The following ADGRB3 variants were observed in gnomAD, a reference collection of about 807,000 sequenced individuals.
The protein encoded by ADGRB3 is adhesion G protein-coupled receptor B3, also known as brain-specific angiogenesis inhibitor 3.
ADGRB3 carries 37 observed loss-of-function variants against 193.4 expected under a neutral mutation model. The ratio of observed to expected loss-of-function variants is 0.19; its 90% CI spans 0.15 to 0.25. The LOEUF (loss-of-function observed/expected upper bound fraction) is 0.25. Among genes scored for constraint, ADGRB3 ranks in the 10% least tolerant of loss-of-function variants. ADGRB3 has a pLI of 1.00. For synonymous variants in ADGRB3, 690 were observed against 644.2 expected (o/e 1.07, Z -1.08); for missense variants, 1,637 against 1,852.9 (o/e 0.88, Z 2.14).
chr6:69,221,259 C>T (rs971750467), intron 17 of ADGRB3, among the ~76,000 whole-genome samples: 1 of 152,040 alleles, frequency 6.6e-6, no homozygotes, highest in African/African-American at 2.4e-5. Flanking sequence ...CCTTTCAGAT[C>T]TTTTATTGGA....
At chr6:68,966,757 TCTTA>T (rs1416086408) in intron 8 of ADGRB3, among the ~76,000 whole-genome samples, 3 of 152,164 alleles carry the variant, frequency 2.0e-5, no homozygotes, top group African/African-American at 7.2e-5. Flanking sequence ...CATCGACTAT[TCTTA>T]CTTAGCCTTT....
At chr6:68,968,923 C>T (rs189871613) in intron 8 of ADGRB3, among the ~76,000 whole-genome samples, 1 of 152,250 alleles carries the variant, frequency 6.6e-6, no homozygotes, top group East Asian at 1.9e-4. Flanking sequence ...ATTCACTTCT[C>T]AATTGCACTA....
intron 20 of ADGRB3, among the ~76,000 whole-genome samples, chr6:69,259,628 A>G (rs948230639): frequency 1.3e-5 from 2 of 148,952 alleles, no homozygotes; most frequent in Admixed American, 1.4e-4. Flanking sequence ...CTCGGGAGGC[A>G]GAGCTTGCAG....
At chr6:69,062,020 C>T (rs930170080) in intron 15 of ADGRB3, among the ~76,000 whole-genome samples, 2 of 151,778 alleles carry the variant, frequency 1.3e-5, no homozygotes, top group Non-Finnish European at 2.9e-5. Flanking sequence ...TCATTGATAC[C>T]TAATGTGAAT....
intron 3 of ADGRB3, among the ~76,000 whole-genome samples, chr6:68,885,049 A>T (rs546237361): frequency 1.3e-5 from 2 of 152,166 alleles, no homozygotes; most frequent in South Asian, 2.1e-4. Flanking sequence ...ACAATAATAA[A>T]CTATAATAAG....
At chr6:68,983,383 C>CT (rs1768982198) in intron 10 of ADGRB3, among the ~76,000 whole-genome samples, 1 of 150,978 alleles carries the variant, frequency 6.6e-6, no homozygotes, top group African/African-American at 2.4e-5. Flanking sequence ...CCATACCACT[C>CT]TGAATGGGCC....
chr6:69,036,446 A>T (rs887853548), intron 13 of ADGRB3, among the ~76,000 whole-genome samples: 14 of 151,874 alleles, frequency 9.2e-5, no homozygotes, highest in African/African-American at 3.1e-4. Flanking sequence ...CTCATCTATT[A>T]AAAAAAATGT....
At chr6:69,185,195 T>C (rs1053710549) in intron 17 of ADGRB3, among the ~76,000 whole-genome samples, 1 of 152,150 alleles carries the variant, frequency 6.6e-6, no homozygotes, top group Non-Finnish European at 1.5e-5. Context: ...TTCAAAAACC[T>C]ATACTAGTAC....
chr6:68,738,011 G>A (rs547352886), intron 3 of ADGRB3, among the ~76,000 whole-genome samples: 11 of 152,134 alleles, frequency 7.2e-5, no homozygotes, highest in Non-Finnish European at 1.6e-4. Context: ...TGTTGCTAGG[G>A]AGAATGGACA....
At chr6:69,282,726 G>T (rs1767463133) in intron 20 of ADGRB3, among the ~76,000 whole-genome samples, 1 of 152,070 alleles carries the variant, frequency 6.6e-6, no homozygotes, top group South Asian at 2.1e-4. Flanking sequence ...TCTATGGGGT[G>T]GGAACATGCA....
chr6:69,089,431 T>C (rs929654308), intron 17 of ADGRB3, among the ~76,000 whole-genome samples: 2 of 152,198 alleles, frequency 1.3e-5, no homozygotes, highest in Non-Finnish European at 2.9e-5. Context: ...AGTGAATATT[T>C]ATATAATTTT....
intron 3 of ADGRB3, among the ~76,000 whole-genome samples, chr6:68,808,714 G>A (rs955615236): frequency 4.1e-5 from 6 of 146,912 alleles, no homozygotes; most frequent in African/African-American, 1.2e-4. Context: ...ATATCATAAG[G>A]AAAGAAGAGG....
chr6:69,268,631 T>G (rs567891386), intron 20 of ADGRB3, among the ~76,000 whole-genome samples: 1 of 152,290 alleles, frequency 6.6e-6, no homozygotes, highest in Admixed American at 6.5e-5. Context: ...ATAAGACCCC[T>G]TGTTCTCAGC....
chr6:69,277,036 A>G (rs987480958), intron 20 of ADGRB3, among the ~76,000 whole-genome samples: 1 of 140,066 alleles, frequency 7.1e-6, no homozygotes, highest in Non-Finnish European at 1.5e-5. Context: ...TCGCTCTGTC[A>G]CCATGCTGGA....
intron 13 of ADGRB3, among the ~76,000 whole-genome samples, chr6:69,019,163 T>C (rs1452450060): frequency 6.6e-6 from 1 of 151,986 alleles, no homozygotes; most frequent in African/African-American, 2.4e-5. Flanking sequence ...ATAGCCTTCT[T>C]AGTGATACAC....
At chr6:69,158,909 A>G (rs764449690) in intron 17 of ADGRB3, among the ~76,000 whole-genome samples, 1 of 152,134 alleles carries the variant, frequency 6.6e-6, no homozygotes, top group Non-Finnish European at 1.5e-5. Flanking sequence ...TGAATAAGTC[A>G]GAATCAAGCT....
chr6:68,875,121 TC>T (rs1765557915), intron 3 of ADGRB3, among the ~76,000 whole-genome samples: 1 of 84,402 alleles, frequency 1.2e-5, no homozygotes, highest in Non-Finnish European at 2.7e-5. Flanking sequence ...TTCCTTTCTT[TC>T]CTTCTTTCTT....
intron 3 of ADGRB3, among the ~76,000 whole-genome samples, chr6:68,674,986 G>A (rs192833835): frequency 9.9e-4 from 151 of 152,210 alleles, no homozygotes; most frequent in African/African-American, 3.3e-3. Flanking sequence ...ATTATGTTTT[G>A]GACCCTGGTT....
intron 3 of ADGRB3, among the ~76,000 whole-genome samples, chr6:68,773,346 G>A (rs774844725): frequency 2.0e-5 from 3 of 152,012 alleles, no homozygotes; most frequent in Non-Finnish European, 2.9e-5. Context: ...CCTGTACTAT[G>A]TGCGCAAAAT....
Sources: allele counts gnomAD v4.1 joint callset (sites outside exome capture counted in the v4.1 genomes callset), GRCh38; gene constraint gnomAD v4.1.1; transcripts MANE v1.5; gene names NCBI Gene and HGNC (gene_info 2026-07-23, HGNC 2026-07-21).